Variants in SOS2 observed in about 807,000 individuals in gnomAD.
SOS2 encodes the protein SOS Ras/Rho guanine nucleotide exchange factor 2.
SOS2 carries 65 observed loss-of-function variants against 148.2 expected under a neutral mutation model. The observed-to-expected ratio is 0.44, with a 90% CI of 0.36 to 0.54. The LOEUF is 0.54. Ranked by LOEUF, SOS2 falls within the 20% of genes least tolerant of loss-of-function variation. The probability of loss-of-function intolerance (pLI) is 0.00; values close to 1 mark genes in which losing one functional copy is unlikely to be tolerated. For synonymous variants in SOS2, 539 were observed against 537.1 expected, an observed-to-expected ratio of 1.00 and a Z score of -0.05; for missense variants, 1,341 against 1,590.2, an observed-to-expected ratio of 0.84 and a Z score of 2.67.
intron 21 of SOS2, among the ~76,000 whole-genome samples, chr14:50,122,452 G>A (rs941540001): frequency 1.6e-5 from 2 of 127,406 alleles, no homozygotes; most frequent in African/African-American, 6.2e-5. Flanking sequence ...CTGGAGTCCA[G>A]GAACCCTGGT....
At chr14:50,221,065 A>G (rs1056074899) in intron 1 of SOS2, among the ~76,000 whole-genome samples, 2 of 152,202 alleles carry the variant, frequency 1.3e-5, no homozygotes, top group African/African-American at 4.8e-5. Flanking sequence ...AAACTACAGG[A>G]ACATGTTTCT....
chr14:50,121,883 C>T (rs1157270689), intron 21 of SOS2, among the ~76,000 whole-genome samples: 1 of 152,182 alleles, frequency 6.6e-6, no homozygotes. Flanking sequence ...GAACTCCTTT[C>T]GGTGGTGGTA....
intron 1 of SOS2, among the ~76,000 whole-genome samples, chr14:50,211,961 A>G (rs1223665624): frequency 6.6e-6 from 1 of 152,232 alleles, no homozygotes; most frequent in Non-Finnish European, 1.5e-5. Context: ...ACAATGGAAT[A>G]CACACAGTCA....
rs764585497 is a variant in SOS2, at chr14:50,150,246, A to G, written c.2162-16T>C. 56 of 1,470,566 alleles carry G rather than the reference A, an allele frequency of 3.8e-5. No individual in the cohort carries two copies. Among genetic ancestry groups the G allele is most frequent in the Middle Eastern group, 3.4e-4 (2 of 5,818 alleles). 91.1% of individuals were successfully genotyped at this position (1,470,566 alleles called of 1,614,324 possible). A position where few individuals can be genotyped will look rare whatever the true frequency, so the allele number is the denominator to read the frequency against. On this transcript the variant is annotated splice_polypyrimidine_tract_variant and intron_variant, in intron 13 of 22. Transcript: ENST00000216373. ...ATAGCTTTCCCTGGAAAAAGAACAC[A>G]TAAAGAAAAATGTCTTTTACTTGAC...
In SOS2 at chr14:50,222,649, A is replaced by C. The variant is rs183572435; in HGVS notation, c.87+8548T>G. On this transcript the variant is annotated intron_variant, in intron 1 of 22. Transcript: ENST00000216373. ...TTCAGGTAGAAAATTCAGCAAGTAC[A>C]AAAGTCCTAAGACTAAAACATGTCT... 1.9e-3 allele frequency among the ~76,000 whole-genome samples: 283 copies of C among 152,350 alleles called. 2 individuals carry two copies. Among genetic ancestry groups the C allele is most frequent in the African/African-American group, 4.4e-3 (185 of 41,576 alleles).
At chr14:50,173,663 C>T (rs922530969) in intron 8 of SOS2, among the ~76,000 whole-genome samples, 4 of 152,112 alleles carry the variant, frequency 2.6e-5, no homozygotes, top group Non-Finnish European at 5.9e-5. Flanking sequence ...CCTCATGATC[C>T]ACCCGCCTCG....
chr14:50,224,306 TATATATATACAC>T (rs1566487889), intron 1 of SOS2, among the ~76,000 whole-genome samples: 14 of 47,808 alleles, frequency 2.9e-4, no homozygotes, highest in African/African-American at 1.3e-3. Context: ...AAAAAAAAAA[TATATATATACAC>T]ACACACACAC....
At chr14:50,129,857 T>C (rs1883810499) in intron 21 of SOS2, 104 bp downstream of exon 21, 1 of 662,348 alleles carries the variant, frequency 1.5e-6, no homozygotes, top group Non-Finnish European at 2.6e-6. Flanking sequence ...TTTATAACTT[T>C]TCTTGTTCTT....
intron 4 of SOS2, among the ~76,000 whole-genome samples, chr14:50,192,697 T>G (rs1283157313): frequency 6.6e-6 from 1 of 151,400 alleles, no homozygotes; most frequent in Non-Finnish European, 1.5e-5. Flanking sequence ...AACCCTGTCT[T>G]TACTAAAAAT....
intron 4 of SOS2, among the ~76,000 whole-genome samples, chr14:50,194,735 G>A (rs1013142466): frequency 6.0e-5 from 9 of 150,136 alleles, no homozygotes; most frequent in African/African-American, 9.8e-5. Context: ...CCAAGATCAC[G>A]CCACTGCGCT....
At chr14:50,164,778 A>C (rs572494850) in intron 8 of SOS2, among the ~76,000 whole-genome samples, 2 of 152,212 alleles carry the variant, frequency 1.3e-5, no homozygotes, top group Admixed American at 1.3e-4. Flanking sequence ...ACTAGGATAC[A>C]GTTGAAATGC....
intron 5 of SOS2, among the ~76,000 whole-genome samples, chr14:50,188,249 A>T (rs559841754): frequency 7.2e-5 from 11 of 152,124 alleles, no homozygotes; most frequent in African/African-American, 2.6e-4. Context: ...CTAAAAATAT[A>T]AAAAAATTAG....
chr14:50,212,926 C>T (rs74050734), intron 1 of SOS2, among the ~76,000 whole-genome samples: 3,249 of 152,230 alleles, frequency 0.021, 116 homozygotes, highest in African/African-American at 0.072. Context: ...ATCCAAGATA[C>T]CAGCAATATC....
intron 16 of SOS2, among the ~76,000 whole-genome samples, chr14:50,142,621 CACA>C (rs1274044710): frequency 6.6e-6 from 1 of 152,118 alleles, no homozygotes; most frequent in African/African-American, 2.4e-5. Context: ...AATGTTCTTC[CACA>C]ACAATACACA....
chr14:50,159,984 T>G lies in SOS2; in HGVS notation c.1299A>C (p.Lys433Asn). The G allele has an allele frequency of 6.2e-7, 1 of 1,614,076 alleles. No homozygotes were observed. Among genetic ancestry groups the G allele is most frequent in the Non-Finnish European group, 8.5e-7 (1 of 1,179,960 alleles). ...IQKNIDGWEG[K>N]DIGQCCNEFI... ...ATTCATTACAACACTGTCCAATATC[T>G]TTGCCTTCCCATCCATCGATATTTT... Residue 433 changes from lysine to asparagine, a missense_variant, in exon 10 of 23, where the codon AAA becomes AAC. Physicochemically the swap from Lys to Asn is moderately conservative, Grantham distance 94. Transcript: ENST00000216373.
intron 4 of SOS2, among the ~76,000 whole-genome samples, chr14:50,197,033 T>C (rs1447424649): frequency 6.6e-6 from 1 of 151,868 alleles, no homozygotes; most frequent in Non-Finnish European, 1.5e-5. Flanking sequence ...GCCCGGATAA[T>C]TTTTTTTATT....
At chr14:50,119,483 A>G (rs1594951935) in intron 22 of SOS2, among the ~76,000 whole-genome samples, 1 of 152,094 alleles carries the variant, frequency 6.6e-6, no homozygotes, top group Admixed American at 6.5e-5. Context: ...GTTTTTTTCC[A>G]CCTGTACCAG....
At chr14:50,161,741 A>G (rs1416056498) in intron 8 of SOS2, 132 bp from the exon 9 acceptor site, 4 of 700,338 alleles carry the variant, frequency 5.7e-6, no homozygotes, top group Non-Finnish European at 6.8e-6. Context: ...AAAAACAGCT[A>G]TAATTTTATA....
At chr14:50,182,720 T>C (rs1053499774) in intron 5 of SOS2, 114 bp from the exon 6 acceptor site, 1 of 744,884 alleles carries the variant, frequency 1.3e-6, no homozygotes, top group East Asian at 2.7e-5. Context: ...GGAATAGCCC[T>C]GCTCCACAAG....
Sources: allele counts gnomAD v4.1 joint callset (sites outside exome capture counted in the v4.1 genomes callset), GRCh38; gene constraint gnomAD v4.1.1; transcripts MANE v1.5; gene names NCBI Gene and HGNC (gene_info 2026-07-23, HGNC 2026-07-21).